ERC1: variants seen among roughly 807,000 people sequenced by gnomAD.
ERC1 encodes ELKS/RAB6-interacting/CAST family member 1.
ERC1 carries 56 observed loss-of-function variants against 132.0 expected under a neutral mutation model. The observed-to-expected ratio is 0.42, with a 90% CI of 0.34 to 0.53. The LOEUF is 0.53. Ranked by LOEUF, ERC1 falls within the 20% of genes least tolerant of loss-of-function variation. ERC1 has a pLI of 0.03. For missense variants in ERC1, 1,202 were observed against 1,349.9 expected, an observed-to-expected ratio of 0.89 and a Z score of 1.72; for synonymous variants, 478 against 476.1, an observed-to-expected ratio of 1.00 and a Z score of -0.05.
chr12:1,129,366 G>GAA (rs11392548), intron 7 of ERC1, among the ~76,000 whole-genome samples: 5 of 151,742 alleles, frequency 3.3e-5, no homozygotes, highest in Admixed American at 2.0e-4. Flanking sequence ...GCAACAACAA[G>GAA]AAAAAAAACT....
intron 17 of ERC1, among the ~76,000 whole-genome samples, chr12:1,420,390 G>C (rs1311640333): frequency 6.6e-6 from 1 of 151,948 alleles, no homozygotes; most frequent in Non-Finnish European, 1.5e-5. Flanking sequence ...AATTAAATGA[G>C]ATTTTTCCTT....
rs527757877 is a variant in ERC1, at chr12:1,147,251, G to C, written c.1737+5464G>C. Among the ~76,000 whole-genome samples, 13 of 152,256 alleles carry C rather than the reference G, an allele frequency of 8.5e-5. No individual in the cohort carries two copies. In the South Asian group the frequency reaches 1.0e-3, roughly 12 times the overall value. The stretch of plus-strand genomic sequence containing the variant: ...CTTTCCCCCGTTCAGCATAATGTTG[G>C]CTGTGGCTTTGTCATAGATGGCTTA... On this transcript the variant is annotated intron_variant, in intron 8 of 18. Coordinates refer to ENST00000360905, the MANE Select transcript of ERC1 (RefSeq NM_178040.4).
chr12:1,202,273 A>T (rs1490878598), intron 12 of ERC1, among the ~76,000 whole-genome samples: 1 of 152,180 alleles, frequency 6.6e-6, no homozygotes, highest in Non-Finnish European at 1.5e-5. Context: ...TCTGTGTTTA[A>T]TGGCTACTGT....
At chr12:1,475,847 T>G (rs947856640) in intron 18 of ERC1, among the ~76,000 whole-genome samples, 7 of 151,862 alleles carry the variant, frequency 4.6e-5, no homozygotes, top group Non-Finnish European at 1.0e-4. Flanking sequence ...ATGAAAAAAC[T>G]AGGCTAGATG....
chr12:1,125,704 A>G (rs1489498979), intron 7 of ERC1, among the ~76,000 whole-genome samples: 4 of 152,168 alleles, frequency 2.6e-5, no homozygotes, highest in African/African-American at 9.7e-5. Flanking sequence ...AATCTCAGCT[A>G]CTCGGAAGGC....
At chr12:1,288,313 C>T (rs952853816) in intron 14 of ERC1, among the ~76,000 whole-genome samples, 2 of 152,132 alleles carry the variant, frequency 1.3e-5, no homozygotes, top group African/African-American at 2.4e-5. Flanking sequence ...CAGGGTTTTG[C>T]CATGTTGGCC....
chr12:1,354,322 G>A (rs914483228), intron 15 of ERC1, among the ~76,000 whole-genome samples: 24 of 151,952 alleles, frequency 1.6e-4, no homozygotes, highest in Admixed American at 1.3e-4. Flanking sequence ...TCAGGAGTTC[G>A]AGACCAGCCT....
intron 8 of ERC1, among the ~76,000 whole-genome samples, chr12:1,170,111 C>T (rs1952888856): frequency 6.6e-6 from 1 of 152,078 alleles, no homozygotes; most frequent in Admixed American, 6.6e-5. Context: ...ATAAACTTCT[C>T]CTCACTTGAA....
chr12:1,449,372 A>C (rs1369538871), intron 18 of ERC1, among the ~76,000 whole-genome samples: 2 of 151,946 alleles, frequency 1.3e-5, no homozygotes, highest in Non-Finnish European at 2.9e-5. Context: ...CCCCACCCAA[A>C]TCTCATCTTA....
intron 7 of ERC1, among the ~76,000 whole-genome samples, chr12:1,118,360 C>G (rs144076423): frequency 6.6e-6 from 1 of 152,052 alleles, no homozygotes; most frequent in Non-Finnish European, 1.5e-5. Flanking sequence ...CTTTGTACCC[C>G]CCTCAAATAA....
intron 1 of ERC1, among the ~76,000 whole-genome samples, chr12:1,021,241 G>A (rs186127911): frequency 1.8e-4 from 28 of 151,954 alleles, no homozygotes; most frequent in Admixed American, 1.6e-3. Context: ...GCATCCAGCC[G>A]AGACTCTTAT....
intron 8 of ERC1, 147 bp downstream of exon 8, chr12:1,141,934 T>A (rs1949898071): frequency 3.4e-6 from 2 of 584,330 alleles, no homozygotes; most frequent in Non-Finnish European, 5.6e-6. Flanking sequence ...CTTGTTGCGG[T>A]AGGTAGATTG....
chr12:1,489,513 G>C (rs1269766148), intron 18 of ERC1, among the ~76,000 whole-genome samples: 9 of 152,164 alleles, frequency 5.9e-5, no homozygotes, highest in African/African-American at 2.2e-4. Flanking sequence ...GCTCAATAAA[G>C]GTTGGTTAAA....
At chr12:1,124,925 A>T (rs1220360347) in intron 7 of ERC1, among the ~76,000 whole-genome samples, 1 of 152,232 alleles carries the variant, frequency 6.6e-6, no homozygotes, top group Non-Finnish European at 1.5e-5. Context: ...AATGGTAATC[A>T]ACCTCATCCC....
At position 1,115,848 on chromosome 12, in the gene ERC1, GT is replaced by G. The variant is rs761994915; in HGVS notation, c.1402-14del. 20 of 1,607,764 alleles carry G rather than the reference GT, an allele frequency of 1.2e-5. No individual in the cohort carries two copies. The highest frequency in any genetic ancestry group is 1.7e-5 in the Admixed American group (1 of 58,888). On this transcript the variant is annotated splice_polypyrimidine_tract_variant and intron_variant, in intron 6 of 18. Transcript: ENST00000360905. ...GTTTTATTTCTTTTTTCCTTAAAGTGTTTTACTTCTTTTCTAGATTGGCCAG... is the reference window on the plus strand; with the variant it reads ...GTTTTATTTCTTTTTTCCTTAAAGTGTTTACTTCTTTTCTAGATTGGCCAG...
rs1342312894 is a variant in ERC1 at position 1,371,896 on chromosome 12, G to A, written c.2844G>A (p.Ser948=). 8.7e-6 allele frequency: 14 copies of A among 1,613,940 alleles called. No individual in the cohort carries two copies. Among genetic ancestry groups the A allele is most frequent in the African/African-American group, 2.7e-5 (2 of 74,910 alleles). ...KDANIALLEL[S]SSKKKTQEEV... ...CCAATATAGCTCTCTTGGAGCTTTC[G>A]TCCTCTAAGAAGAAGACCCAAGAGG... Residue 948 remains serine (S), a synonymous_variant, in exon 16 of 19, where the codon TCG becomes TCA. Coordinates refer to ENST00000360905, the MANE Select transcript of ERC1 (RefSeq NM_178040.4).
At chr12:1,126,986 C>CAAAAAAAAAAAAAAAAAAAAA (rs71055135) in intron 7 of ERC1, among the ~76,000 whole-genome samples, 11 of 114,190 alleles carry the variant, frequency 9.6e-5, no homozygotes, top group Non-Finnish European at 1.5e-4. Flanking sequence ...GATTCTGTCT[C>CAAAAAAAAAAAAAAAAAAAAA]AAAAAAAAAA....
intron 8 of ERC1, among the ~76,000 whole-genome samples, chr12:1,154,235 GTATATGTATA>G (rs1172624685): frequency 5.2e-5 from 4 of 76,200 alleles, no homozygotes; most frequent in African/African-American, 2.9e-4. Context: ...ATATGTATAT[GTATATGTATA>G]TGTATATGTA....
chr12:1,231,675 T>C (rs1594399125), intron 12 of ERC1, among the ~76,000 whole-genome samples: 1 of 152,304 alleles, frequency 6.6e-6, no homozygotes, highest in East Asian at 1.9e-4. Flanking sequence ...GAACAACTTT[T>C]TTTTTTTTTC....
Sources: gnomAD v4.1 joint callset for allele counts (sites outside exome capture counted in the v4.1 genomes callset) on GRCh38, gnomAD v4.1.1 for gene constraint, MANE v1.5 for transcripts, NCBI Gene and HGNC (gene_info 2026-07-23, HGNC 2026-07-21) for gene names.